LARGE1: variants seen among roughly 807,000 people sequenced by gnomAD.
The protein encoded by LARGE1 is LARGE xylosyl- and glucuronyltransferase 1.
Under a neutral mutation model 87.6 loss-of-function variants are expected in LARGE1, and 43 were observed. The observed-to-expected ratio is 0.49, with a 90% confidence interval of 0.38 to 0.63. The LOEUF (loss-of-function observed/expected upper bound fraction) is 0.63, where lower values mean the gene tolerates loss of function less well. LARGE1 is among the 30% of genes least tolerant of loss of function. The pLI, the probability that LARGE1 is intolerant of heterozygous loss-of-function variation, is 0.00. For synonymous variants in LARGE1, 434 were observed against 394.6 expected, an observed-to-expected ratio of 1.10 and a Z score of -1.18; for missense variants, 802 against 1,000.2, an observed-to-expected ratio of 0.80 and a Z score of 2.67.
intron 9 of LARGE1, among the ~76,000 whole-genome samples, chr22:33,356,698 AGGCAGAG>A (rs1212559272): frequency 5.9e-5 from 9 of 152,188 alleles, no homozygotes; most frequent in Non-Finnish European, 1.2e-4. Context: ...TGAACCCAGG[AGGCAGAG>A]GTTGCAGTGA....
chr22:33,746,030 T>C (rs937729510), intron 2 of LARGE1, among the ~76,000 whole-genome samples: 7 of 152,216 alleles, frequency 4.6e-5, no homozygotes, highest in African/African-American at 1.7e-4. Context: ...CAGCTTTACC[T>C]ATTTTCAAAC....
intron 2 of LARGE1, among the ~76,000 whole-genome samples, chr22:33,699,184 A>G (rs1192504546): frequency 2.0e-5 from 3 of 152,232 alleles, no homozygotes; most frequent in African/African-American, 7.2e-5. Context: ...GTTTCTAAGA[A>G]AAACTATTTT....
In LARGE1 at chr22:33,515,741, G is replaced by A. The variant is rs772657186; in HGVS notation, c.787+49107C>T. On this transcript the variant is annotated intron_variant, in intron 6 of 14. Transcript: ENST00000397394. ...GTGCATGGAAAGTTCCCTGGTCAGCGCCCTGGATCTTACAAAAGGCTTCCA... is the reference window on the plus strand; with the variant it reads ...GTGCATGGAAAGTTCCCTGGTCAGCACCCTGGATCTTACAAAAGGCTTCCA... Among the ~76,000 whole-genome samples, 19 of 152,288 alleles carry A rather than the reference G, an allele frequency of 1.2e-4. No homozygotes were observed. In the Middle Eastern group the frequency reaches 0.014, roughly 109 times the overall value.
At chr22:33,845,745 T>C (rs933942245) in intron 1 of LARGE1, among the ~76,000 whole-genome samples, 7 of 152,160 alleles carry the variant, frequency 4.6e-5, no homozygotes, top group Non-Finnish European at 7.3e-5. Context: ...TGACCCAATA[T>C]CAGTAATTAT....
intron 1 of LARGE1, among the ~76,000 whole-genome samples, chr22:33,769,821 C>A (rs1369639869): frequency 6.6e-6 from 1 of 152,208 alleles, no homozygotes; most frequent in Non-Finnish European, 1.5e-5. Flanking sequence ...GTCCTTCTGG[C>A]TTCCAGCTGT....
At chr22:33,837,325 A>G (rs1255676037) in intron 1 of LARGE1, among the ~76,000 whole-genome samples, 2 of 149,248 alleles carry the variant, frequency 1.3e-5, no homozygotes, top group Non-Finnish European at 2.9e-5. Flanking sequence ...CGAACAGGAT[A>G]TATACACACA....
At chr22:33,107,304 C>A in the LARGE1 span, among the ~76,000 whole-genome samples, 1 of 152,200 alleles carries the variant, frequency 6.6e-6, no homozygotes, top group African/African-American at 2.4e-5. Context: ...TGGCTCATGC[C>A]TGTAATCCCA....
intron 5 of LARGE1, among the ~76,000 whole-genome samples, chr22:33,598,938 G>C (rs1182416382): frequency 6.6e-6 from 1 of 152,142 alleles, no homozygotes. Flanking sequence ...AGATTCTTGA[G>C]GAATTGCCAC....
chr22:33,609,780 G>A (rs569288635), intron 4 of LARGE1, among the ~76,000 whole-genome samples: 1 of 152,000 alleles, frequency 6.6e-6, no homozygotes, highest in Non-Finnish European at 1.5e-5. Flanking sequence ...TCATGGGGGC[G>A]GATCCCTCAT....
chr22:33,788,200 G>A (rs756736658), intron 1 of LARGE1, among the ~76,000 whole-genome samples: 4 of 152,222 alleles, frequency 2.6e-5, no homozygotes, highest in Non-Finnish European at 4.4e-5. Context: ...GCTCGTGGTA[G>A]TGAATAAGTT....
chr22:33,680,378 C>G (rs1263710957), intron 2 of LARGE1, among the ~76,000 whole-genome samples: 1 of 149,826 alleles, frequency 6.7e-6, no homozygotes, highest in Non-Finnish European at 1.5e-5. Context: ...ATTGATCAGG[C>G]TTTATTTTTA....
At chr22:33,830,804 G>T (rs1265312043) in intron 1 of LARGE1, among the ~76,000 whole-genome samples, 1 of 152,182 alleles carries the variant, frequency 6.6e-6, no homozygotes, top group Non-Finnish European at 1.5e-5. Flanking sequence ...TTCAGTGTCT[G>T]GTGAGGGCAC....
At chr22:33,871,507 T>C in intron 1 of LARGE1, among the ~76,000 whole-genome samples, 1 of 152,172 alleles carries the variant, frequency 6.6e-6, no homozygotes, top group East Asian at 1.9e-4. Context: ...AGAACACAGA[T>C]GCTATTAGAG....
At chr22:33,455,413 G>C (rs1158871738) in intron 6 of LARGE1, among the ~76,000 whole-genome samples, 2 of 152,158 alleles carry the variant, frequency 1.3e-5, no homozygotes, top group East Asian at 1.9e-4. Context: ...TGTGGGAAGA[G>C]AGTTGTTTTT....
At position 33,781,338 on chromosome 22, in the gene LARGE1, T is replaced by G. The variant is rs572827769; in HGVS notation, c.-82-19780A>C. 1.1e-4 allele frequency among the ~76,000 whole-genome samples: 17 copies of G among 152,082 alleles called. No individual in the cohort carries two copies. The South Asian group carries it at 3.5e-3, about 32-fold the overall frequency. ...ACATGAGGTGAAACCCCATCTCTAC[T>G]AAAAATACAAAAATTAGCCAGGCAT... On this transcript the variant is annotated intron_variant, in intron 1 of 14. Transcript: ENST00000397394.
At chr22:33,825,580 A>G (rs1220206027) in intron 1 of LARGE1, among the ~76,000 whole-genome samples, 2 of 152,258 alleles carry the variant, frequency 1.3e-5, no homozygotes. Context: ...TAAAACTATC[A>G]GATCTCGTGA....
intron 7 of LARGE1, among the ~76,000 whole-genome samples, chr22:33,429,238 G>C (rs1379377674): frequency 6.6e-6 from 1 of 152,140 alleles, no homozygotes; most frequent in African/African-American, 2.4e-5. Context: ...GTTTTAAAGC[G>C]ACACATCCCC....
At chr22:33,553,111 G>A (rs986142457) in intron 6 of LARGE1, among the ~76,000 whole-genome samples, 7 of 152,058 alleles carry the variant, frequency 4.6e-5, no homozygotes, top group Non-Finnish European at 1.0e-4. Context: ...TTTTGGAAAT[G>A]TGTTTACTCC....
chr22:33,390,664 G>C (rs1373082518), intron 7 of LARGE1, among the ~76,000 whole-genome samples: 1 of 151,210 alleles, frequency 6.6e-6, no homozygotes, highest in East Asian at 1.9e-4. Context: ...CAAACCAGAG[G>C]GGACTCTGTC....
Sources: allele counts gnomAD v4.1 joint callset (sites outside exome capture counted in the v4.1 genomes callset), GRCh38; gene constraint gnomAD v4.1.1; transcripts MANE v1.5; gene names NCBI Gene and HGNC (gene_info 2026-07-23, HGNC 2026-07-21).